The following FOXP2 variants were observed in gnomAD, a reference collection of about 807,000 sequenced individuals.
The protein encoded by FOXP2 is forkhead box protein P2.
A neutral mutation model predicts 115.8 loss-of-function variants in FOXP2; 12 were observed. The ratio of observed to expected loss-of-function variants is 0.10; its 90% CI spans 0.07 to 0.17. The LOEUF (loss-of-function observed/expected upper bound fraction) is 0.17, where lower values mean the gene tolerates loss of function less well. FOXP2 is among the 10% of genes least tolerant of loss of function. The pLI is 1.00. For missense variants in FOXP2, 629 were observed against 843.5 expected (o/e 0.75, Z 3.15); for synonymous variants, 328 against 297.7 (o/e 1.10, Z -1.05).
At chr7:114,312,973 T>C (rs1393003404) in intron 2 of FOXP2, among the ~76,000 whole-genome samples, 1 of 152,148 alleles carries the variant, frequency 6.6e-6, no homozygotes, top group South Asian at 2.1e-4. Context: ...CATCAAAAGG[T>C]CTTTATAGAG....
intron 2 of FOXP2, among the ~76,000 whole-genome samples, chr7:114,386,090 G>A (rs1390013265): frequency 5.9e-5 from 9 of 152,196 alleles, no homozygotes; most frequent in African/African-American, 2.2e-4. Context: ...TGGGAGTCTC[G>A]CCGTATCAGG....
intron 2 of FOXP2, among the ~76,000 whole-genome samples, chr7:114,529,169 T>A (rs1468878627): frequency 6.6e-6 from 1 of 151,892 alleles, no homozygotes; most frequent in Non-Finnish European, 1.5e-5. Flanking sequence ...AGGAAGAGAA[T>A]GTGTTCTCCC....
chr7:114,406,743 G>A (rs928644459), intron 2 of FOXP2, among the ~76,000 whole-genome samples: 1 of 151,796 alleles, frequency 6.6e-6, no homozygotes, highest in Non-Finnish European at 1.5e-5. Context: ...TGTCTCCTTC[G>A]AGGCATAAAA....
chr7:114,475,500 G>A (rs1340289204), intron 2 of FOXP2, among the ~76,000 whole-genome samples: 1 of 152,022 alleles, frequency 6.6e-6, no homozygotes, highest in Non-Finnish European at 1.5e-5. Flanking sequence ...TTCCATGACA[G>A]CCAGCAGATA....
chr7:114,251,096 C>A (rs940797095), intron 1 of FOXP2, among the ~76,000 whole-genome samples: 9 of 152,118 alleles, frequency 5.9e-5, no homozygotes, highest in African/African-American at 1.9e-4. Flanking sequence ...TGTCAAAGAT[C>A]AGTTGGTTGT....
intron 2 of FOXP2, among the ~76,000 whole-genome samples, chr7:114,473,193 G>C (rs1261993070): frequency 6.6e-6 from 1 of 152,142 alleles, no homozygotes; most frequent in African/African-American, 2.4e-5. Flanking sequence ...AATCTGAAGA[G>C]ATTTCCACTT....
In FOXP2 at chr7:114,146,935, T is replaced by C. The variant is rs143577010; in HGVS notation, c.-246-16009T>C. ...AACCATTTCTACTCATTGTTACTTG[T>C]TGTGGTAACCAGTTGTATAGATGAA... On this transcript the variant is annotated intron_variant, in intron 1 of 19. Coordinates refer to the FOXP2 transcript ENST00000635638. Among the ~76,000 whole-genome samples the C allele has an allele frequency of 1.7e-4, 26 of 152,324 alleles. 1 individual carries two copies. The East Asian group carries it at 5.0e-3, about 29-fold the overall frequency.
chr7:114,202,417 A>G (rs534194984), intron 1 of FOXP2, among the ~76,000 whole-genome samples: 15 of 152,336 alleles, frequency 9.8e-5, no homozygotes, highest in African/African-American at 3.4e-4. Context: ...CCATTCAGGT[A>G]GTTTTTCAAG....
chr7:114,551,971 A>T (rs1164047239), intron 3 of FOXP2, among the ~76,000 whole-genome samples: 1 of 152,174 alleles, frequency 6.6e-6, no homozygotes, highest in Non-Finnish European at 1.5e-5. Flanking sequence ...ACAAAACAAT[A>T]TGTGCTTTCA....
At chr7:114,673,770 G>A (rs1807614745) in intron 16 of FOXP2, among the ~76,000 whole-genome samples, 1 of 152,082 alleles carries the variant, frequency 6.6e-6, no homozygotes, top group Admixed American at 6.5e-5. Flanking sequence ...CACGATGTCA[G>A]CTCAATGCAA....
intron 2 of FOXP2, among the ~76,000 whole-genome samples, chr7:114,349,089 A>T (rs1042444876): frequency 6.6e-6 from 1 of 152,058 alleles, no homozygotes; most frequent in East Asian, 1.9e-4. Flanking sequence ...GCAGTTTCAG[A>T]CATTGTTCCT....
chr7:114,455,656 T>C (rs1795284385), intron 2 of FOXP2, among the ~76,000 whole-genome samples: 1 of 152,196 alleles, frequency 6.6e-6, no homozygotes, highest in South Asian at 2.1e-4. Flanking sequence ...CTATTAGTCT[T>C]ATAGTTAACT....
chr7:114,270,058 A>G (rs1226906913), intron 1 of FOXP2, among the ~76,000 whole-genome samples: 1 of 152,194 alleles, frequency 6.6e-6, no homozygotes, highest in Non-Finnish European at 1.5e-5. Flanking sequence ...AATCAAAAAG[A>G]AAAATGTTGA....
intron 3 of FOXP2, among the ~76,000 whole-genome samples, chr7:114,538,913 G>C (rs1367190374): frequency 6.6e-6 from 1 of 151,754 alleles, no homozygotes; most frequent in African/African-American, 2.4e-5. Flanking sequence ...ATATAATTCT[G>C]TATATCTGAG....
At chr7:114,304,646 G>T (rs1796962947) in intron 2 of FOXP2, among the ~76,000 whole-genome samples, 1 of 124,160 alleles carries the variant, frequency 8.1e-6, no homozygotes, top group African/African-American at 3.0e-5. Flanking sequence ...CTCCAGCCTA[G>T]GTGACAGAGT....
intron 2 of FOXP2, chr7:114,463,279 A>C (rs1288097680): frequency 4.5e-6 from 1 of 220,136 alleles, no homozygotes; most frequent in African/African-American, 2.4e-5. Context: ...ATTTGAAGAA[A>C]ATCAAATAGG....
At chr7:114,514,022 T>A (rs980620076) in intron 2 of FOXP2, among the ~76,000 whole-genome samples, 1 of 151,884 alleles carries the variant, frequency 6.6e-6, no homozygotes, top group Admixed American at 6.6e-5. Context: ...AAGTTAACAT[T>A]GTACATATGT....
At chr7:114,569,328 A>C (rs1189547133) in intron 3 of FOXP2, among the ~76,000 whole-genome samples, 1 of 151,984 alleles carries the variant, frequency 6.6e-6, no homozygotes, top group Non-Finnish European at 1.5e-5. Flanking sequence ...AGCATATTTC[A>C]ACCTTATTTT....
intron 2 of FOXP2, among the ~76,000 whole-genome samples, chr7:114,462,425 G>T (rs1329528072): frequency 8.1e-6 from 1 of 123,632 alleles, no homozygotes; most frequent in Admixed American, 9.7e-5. Flanking sequence ...AGGCTGAAGT[G>T]CATTGGCGCT....
Sources: gnomAD v4.1 joint callset for allele counts (sites outside exome capture counted in the v4.1 genomes callset) on GRCh38, gnomAD v4.1.1 for gene constraint, MANE v1.5 for transcripts, NCBI Gene and HGNC (gene_info 2026-07-23, HGNC 2026-07-21) for gene names.